The following MYT1L variants were observed in gnomAD, a reference collection of about 807,000 sequenced individuals.
MYT1L encodes the protein myelin transcription factor 1 like.
In MYT1L, 12 loss-of-function variants were observed where a neutral mutation model predicts 126.7. That is an observed-to-expected ratio of 0.09 (90% CI 0.06 to 0.15). MYT1L has a LOEUF of 0.15. Among genes scored for constraint, MYT1L ranks in the 10% least tolerant of loss-of-function variants. The pLI, the probability that MYT1L is intolerant of heterozygous loss-of-function variation, is 1.00. For synonymous variants in MYT1L, 541 were observed against 604.2 expected (o/e 0.90, Z 1.53); for missense variants, 979 against 1,585.2 (o/e 0.62, Z 6.49).
chr2:2,184,945 G>A (rs2091958620), intron 2 of MYT1L, among the ~76,000 whole-genome samples: 1 of 152,128 alleles, frequency 6.6e-6, no homozygotes, highest in Non-Finnish European at 1.5e-5. Context: ...CATTGCTTCG[G>A]GTAAGCTTCG....
chr2:1,839,383 A>C lies in MYT1L; in HGVS notation c.2859-13T>G. 1 of 1,608,484 alleles carries C rather than the reference A, an allele frequency of 6.2e-7. No homozygotes were observed. Among genetic ancestry groups the C allele is most frequent in the Non-Finnish European group, 8.5e-7 (1 of 1,176,280 alleles). ...GGGGACCGGACACCTGTAGGCAGGC[A>C]GAGGTGACACACTTTATTGTCTGGC... On this transcript the variant is annotated splice_polypyrimidine_tract_variant and intron_variant, in intron 20 of 24. Transcript: ENST00000647738.
intron 2 of MYT1L, among the ~76,000 whole-genome samples, chr2:2,212,856 C>T (rs2093569020): frequency 6.6e-6 from 1 of 152,182 alleles, no homozygotes; most frequent in Non-Finnish European, 1.5e-5. Flanking sequence ...CAATTCTCAA[C>T]CTTGACACAG....
chr2:2,116,104 T>A (rs919133410), intron 3 of MYT1L, among the ~76,000 whole-genome samples: 4 of 152,234 alleles, frequency 2.6e-5, no homozygotes, highest in African/African-American at 9.6e-5. Context: ...TTCCACTCGA[T>A]GTTCAATGAA....
intron 22 of MYT1L, 67 bp downstream of exon 22, chr2:1,809,009 G>T: frequency 7.2e-7 from 1 of 1,389,322 alleles, no homozygotes; most frequent in Non-Finnish European, 1.0e-6. Flanking sequence ...AGGACACACA[G>T]CTGGCATGGC....
At chr2:2,243,078 G>C (rs1260449063) in intron 2 of MYT1L, among the ~76,000 whole-genome samples, 1 of 152,182 alleles carries the variant, frequency 6.6e-6, no homozygotes, top group East Asian at 1.9e-4. Flanking sequence ...GGGAGCAGGG[G>C]AGAATGAAGG....
chr2:1,955,629 G>A (rs12986730), intron 8 of MYT1L, among the ~76,000 whole-genome samples: 48,113 of 152,024 alleles, frequency 0.32, 8,501 homozygotes, highest in African/African-American at 0.49. Context: ...TAAACCTTAA[G>A]ACTTGGTTAT....
chr2:2,053,926 C>T (rs1183199272), intron 4 of MYT1L, 52 bp downstream of exon 4: 1 of 152,652 alleles, frequency 6.6e-6, no homozygotes, highest in Non-Finnish European at 1.5e-5. Context: ...ATATGCAAAA[C>T]ACCTGTCTGC....
At position 2,143,539 on chromosome 2, in the gene MYT1L, A is replaced by G. The variant is rs115925010; in HGVS notation, c.-304+29333T>C. On this transcript the variant is annotated intron_variant, in intron 3 of 24. Coordinates refer to ENST00000647738, the MANE Select transcript of MYT1L (RefSeq NM_001303052.2). ...CAGGGGGTAGGAGCCTCACTTACTC[A>G]CGTACCACTGAGCCTTTGTTTAAGA... is the stretch of plus-strand genomic sequence containing the variant. Among the ~76,000 whole-genome samples the G allele has an allele frequency of 7.2e-3, 1,093 of 152,088 alleles. 15 individuals carry two copies. Among genetic ancestry groups the G allele is most frequent in the African/African-American group, 0.025 (1,032 of 41,474 alleles).
intron 8 of MYT1L, among the ~76,000 whole-genome samples, chr2:1,954,459 A>G (rs1457095596): frequency 1.3e-5 from 2 of 152,204 alleles, no homozygotes; most frequent in East Asian, 3.9e-4. Flanking sequence ...GCATACGTCC[A>G]CACCAGTGCT....
At chr2:2,142,079 G>C (rs912833285) in intron 3 of MYT1L, among the ~76,000 whole-genome samples, 3 of 152,078 alleles carry the variant, frequency 2.0e-5, no homozygotes, top group African/African-American at 7.2e-5. Flanking sequence ...TTTCTTGAAA[G>C]ATCAAATTCA....
At chr2:1,952,764 TCCCTC>T (rs796654158) in intron 8 of MYT1L, among the ~76,000 whole-genome samples, 4 of 700 alleles carry the variant, frequency 5.7e-3, no homozygotes, top group African/African-American at 0.018. Context: ...CTTCCCTCCT[TCCCTC>T]CCTTCCCTCC....
At chr2:2,188,376 C>A (rs1226628127) in intron 2 of MYT1L, among the ~76,000 whole-genome samples, 1 of 152,236 alleles carries the variant, frequency 6.6e-6, no homozygotes, top group Non-Finnish European at 1.5e-5. Flanking sequence ...GCTGGGGGAA[C>A]ACACACTGCC....
chr2:1,988,966 T>A (rs886528436), intron 5 of MYT1L, among the ~76,000 whole-genome samples: 1 of 152,218 alleles, frequency 6.6e-6, no homozygotes, highest in African/African-American at 2.4e-5. Context: ...GCCCTTCTTA[T>A]GTAGGGTAAG....
At chr2:2,027,526 G>A (rs577950737) in intron 4 of MYT1L, among the ~76,000 whole-genome samples, 157 of 152,250 alleles carry the variant, frequency 1.0e-3, no homozygotes, top group Non-Finnish European at 1.5e-3. Context: ...GTAGAATAGC[G>A]TTGTCAAGAT....
chr2:1,949,226 C>T (rs112617091), intron 8 of MYT1L, among the ~76,000 whole-genome samples: 1,690 of 152,272 alleles, frequency 0.011, 27 homozygotes, highest in African/African-American at 0.037. Flanking sequence ...CAGCAGCCAG[C>T]GACAGGAGTG....
intron 21 of MYT1L, among the ~76,000 whole-genome samples, chr2:1,838,549 G>A (rs1424324289): frequency 4.6e-5 from 7 of 152,120 alleles, no homozygotes; most frequent in Non-Finnish European, 1.0e-4. Context: ...GAGTGTAATG[G>A]GTGCCGTCAG....
chr2:2,155,315 A>T (rs2086548794), intron 3 of MYT1L, among the ~76,000 whole-genome samples: 1 of 152,216 alleles, frequency 6.6e-6, no homozygotes, highest in African/African-American at 2.4e-5. Context: ...GGACTCAGGG[A>T]AACGAGAGCA....
intron 3 of MYT1L, among the ~76,000 whole-genome samples, chr2:2,098,448 T>C (rs979056631): frequency 1.3e-5 from 2 of 152,198 alleles, no homozygotes; most frequent in Admixed American, 6.5e-5. Flanking sequence ...TTTAAATAAT[T>C]TGTTGCATTA....
intron 5 of MYT1L, among the ~76,000 whole-genome samples, chr2:1,991,393 A>G (rs1326189624): frequency 4.6e-5 from 7 of 151,964 alleles, no homozygotes; most frequent in Non-Finnish European, 5.9e-5. Flanking sequence ...GACCTCCTAG[A>G]CCCAAGTGGC....
Sources: allele counts gnomAD v4.1 joint callset (sites outside exome capture counted in the v4.1 genomes callset), GRCh38; gene constraint gnomAD v4.1.1; transcripts MANE v1.5; gene names NCBI Gene and HGNC (gene_info 2026-07-23, HGNC 2026-07-21).